The following NIBAN1 variants were observed in gnomAD, a reference collection of about 807,000 sequenced individuals.
NIBAN1 encodes niban apoptosis regulator 1.
Under a neutral mutation model 75.1 loss-of-function variants are expected in NIBAN1, and 81 were observed. That is an observed-to-expected ratio of 1.08 (90% confidence interval 0.90 to 1.30). The LOEUF is 1.30. Among genes scored for constraint, NIBAN1 ranks in the 50% most tolerant of loss-of-function variants. The pLI, the probability that NIBAN1 is intolerant of heterozygous loss-of-function variation, is 0.00. For synonymous variants in NIBAN1, 436 were observed against 424.8 expected, an observed-to-expected ratio of 1.03 and a Z score of -0.32; for missense variants, 1,133 against 1,128.1, an observed-to-expected ratio of 1.00 and a Z score of -0.06.
At chr1:184,797,453 A>ATT (rs1310314342) in intron 13 of NIBAN1, among the ~76,000 whole-genome samples, 1 of 151,578 alleles carries the variant, frequency 6.6e-6, no homozygotes, top group African/African-American at 2.4e-5. Flanking sequence ...TCTCCAGCAT[A>ATT]TTTTAAACAA....
chr1:184,954,534 C>T (rs893558525), intron 1 of NIBAN1, among the ~76,000 whole-genome samples: 6 of 152,124 alleles, frequency 3.9e-5, no homozygotes, highest in African/African-American at 2.4e-5. Context: ...GAGTCAAGCA[C>T]GAGCCTGTCT....
chr1:184,810,523 G>A (rs1353319726), intron 9 of NIBAN1, among the ~76,000 whole-genome samples: 1 of 152,192 alleles, frequency 6.6e-6, no homozygotes, highest in African/African-American at 2.4e-5. Flanking sequence ...AACTGTAAGA[G>A]TCAGATAAAA....
intron 6 of NIBAN1, among the ~76,000 whole-genome samples, chr1:184,824,191 C>A (rs1237980813): frequency 2.0e-5 from 3 of 152,194 alleles, no homozygotes; most frequent in Admixed American, 2.0e-4. Context: ...CCTTCATGAT[C>A]AAGGTATCAA....
chr1:184,953,409 C>A (rs1466573499), intron 1 of NIBAN1, among the ~76,000 whole-genome samples: 1 of 152,212 alleles, frequency 6.6e-6, no homozygotes, highest in Admixed American at 6.5e-5. Context: ...ATTTTGTCCA[C>A]TCTTCTAAAA....
chr1:184,948,030 C>T (rs545203571), intron 1 of NIBAN1, among the ~76,000 whole-genome samples: 76 of 151,600 alleles, frequency 5.0e-4, no homozygotes, highest in Non-Finnish European at 9.4e-4. Context: ...CCACTTCCAG[C>T]AAAATGGAAA....
At chr1:184,957,983 T>G (rs978673555) in intron 1 of NIBAN1, among the ~76,000 whole-genome samples, 1 of 152,190 alleles carries the variant, frequency 6.6e-6, no homozygotes, top group Non-Finnish European at 1.5e-5. Flanking sequence ...AAATTCCATA[T>G]TAGGTGTTGC....
intron 1 of NIBAN1, among the ~76,000 whole-genome samples, chr1:184,941,004 A>C (rs1353456376): frequency 6.6e-6 from 1 of 152,240 alleles, no homozygotes; most frequent in Non-Finnish European, 1.5e-5. Flanking sequence ...CCTTTCTTAT[A>C]TTCCAATTAT....
chr1:184,808,879 C>T (rs1196453931), intron 9 of NIBAN1, among the ~76,000 whole-genome samples: 1 of 152,162 alleles, frequency 6.6e-6, no homozygotes, highest in Non-Finnish European at 1.5e-5. Context: ...ATTGGGCTTC[C>T]AGCATCATAC....
At chr1:184,876,617 CT>C (rs1656240957) in intron 5 of NIBAN1, among the ~76,000 whole-genome samples, 1 of 151,852 alleles carries the variant, frequency 6.6e-6, no homozygotes, top group African/African-American at 2.4e-5. Context: ...AGGAGAACCT[CT>C]TGAGCCAGGG....
chr1:184,971,284 TA>T (rs537236328), intron 1 of NIBAN1, among the ~76,000 whole-genome samples: 1 of 150,684 alleles, frequency 6.6e-6, no homozygotes, highest in African/African-American at 2.4e-5. Context: ...CTCAGAAAAC[TA>T]AAAAAAGAAA....
intron 5 of NIBAN1, among the ~76,000 whole-genome samples, chr1:184,880,950 A>G (rs748121077): frequency 2.6e-5 from 4 of 152,200 alleles, no homozygotes; most frequent in African/African-American, 7.2e-5. Flanking sequence ...CTAGGATCAT[A>G]CTATACAGTT....
chr1:184,942,673 G>A (rs892891505), intron 1 of NIBAN1, among the ~76,000 whole-genome samples: 1 of 136,406 alleles, frequency 7.3e-6, no homozygotes, highest in Admixed American at 8.5e-5. Flanking sequence ...CGGCCTGGGC[G>A]ACAGAGCGAG....
chr1:184,874,526 T>C (rs910165259), intron 5 of NIBAN1, among the ~76,000 whole-genome samples: 1 of 152,022 alleles, frequency 6.6e-6, no homozygotes, highest in Non-Finnish European at 1.5e-5. Flanking sequence ...TTTAATTCAC[T>C]AGGAAGATAT....
At chr1:184,974,239 C>T in intron 1 of NIBAN1, 63 bp downstream of exon 1, 2 of 1,424,448 alleles carry the variant, frequency 1.4e-6, no homozygotes, top group Non-Finnish European at 1.8e-6. Context: ...GGGCCCCGAC[C>T]GCGGCAGCCA....
intron 3 of NIBAN1, among the ~76,000 whole-genome samples, chr1:184,891,281 C>T (rs1656659627): frequency 6.6e-6 from 1 of 152,160 alleles, no homozygotes; most frequent in Non-Finnish European, 1.5e-5. Flanking sequence ...GAGGACTCTT[C>T]TGAATAAATG....
intron 5 of NIBAN1, among the ~76,000 whole-genome samples, chr1:184,838,983 C>T (rs1655209566): frequency 6.6e-6 from 1 of 152,120 alleles, no homozygotes; most frequent in African/African-American, 2.4e-5. Flanking sequence ...GTCATCTTTC[C>T]TATGGGAGAT....
intron 1 of NIBAN1, among the ~76,000 whole-genome samples, chr1:184,940,948 G>A (rs573358605): frequency 1.1e-4 from 17 of 152,320 alleles, no homozygotes; most frequent in South Asian, 2.1e-4. Flanking sequence ...GCAATGTGCC[G>A]CAAACAGGTA....
intron 3 of NIBAN1, among the ~76,000 whole-genome samples, chr1:184,891,800 C>T (rs1656673994): frequency 1.3e-5 from 2 of 151,976 alleles, no homozygotes; most frequent in Non-Finnish European, 2.9e-5. Flanking sequence ...ATGCATAATT[C>T]TTAGATATAA....
intron 1 of NIBAN1, among the ~76,000 whole-genome samples, chr1:184,933,804 A>G (rs1388427920): frequency 6.6e-6 from 1 of 152,226 alleles, no homozygotes; most frequent in Non-Finnish European, 1.5e-5. Context: ...AAGTTTCAAC[A>G]CTCGCTATAG....
Sources: allele counts gnomAD v4.1 joint callset (sites outside exome capture counted in the v4.1 genomes callset), GRCh38; gene constraint gnomAD v4.1.1; transcripts MANE v1.5; gene names NCBI Gene and HGNC (gene_info 2026-07-23, HGNC 2026-07-21).